Variants in SGIP1 observed in about 807,000 individuals in gnomAD.
SGIP1 encodes SH3-containing GRB2-like protein 3-interacting protein 1.
In SGIP1, 38 loss-of-function variants were observed where a neutral mutation model predicts 107.5. The ratio of observed to expected loss-of-function variants is 0.35; its 90% CI spans 0.27 to 0.46. The LOEUF is 0.46. Among genes scored for constraint, SGIP1 ranks in the 20% least tolerant of loss-of-function variants. The probability of loss-of-function intolerance (pLI) is 1.00; values close to 1 mark genes in which losing one functional copy is unlikely to be tolerated. For synonymous variants in SGIP1, 365 were observed against 366.1 expected, an observed-to-expected ratio of 1.00 and a Z score of 0.03; for missense variants, 929 against 1,019.5, an observed-to-expected ratio of 0.91 and a Z score of 1.21.
In SGIP1 at chr1:66,747,084, T is replaced by A. The variant is rs1455488558; in HGVS notation, c.*3989T>A. ...TCTCTGAAATTCCATGATTCTACTTTACTCAGATATACCACCTTTTGTGGC... is the reference window on the plus strand; with the variant it reads ...TCTCTGAAATTCCATGATTCTACTTAACTCAGATATACCACCTTTTGTGGC... On this transcript the variant is annotated 3_prime_UTR_variant, in exon 25 of 25. Coordinates refer to ENST00000371037, the MANE Select transcript of SGIP1 (RefSeq NM_032291.4). The A allele has an allele frequency of 6.6e-6, 1 of 152,110 alleles. No individual in the cohort carries two copies. The highest frequency in any genetic ancestry group is 1.5e-5 in the Non-Finnish European group (1 of 67,946). The allele number at this position is 152,110 out of a possible 1,614,324, so 9.4% of individuals were successfully genotyped here.
Position 66,740,625 on chromosome 1 carries a change from T to C in SGIP1, c.2235-33T>C, listed in dbSNP as rs745391482. On this transcript the variant is annotated intron_variant, in intron 22 of 24. Coordinates refer to ENST00000371037, the MANE Select transcript of SGIP1 (RefSeq NM_032291.4). Reference sequence around the variant, plus strand: ...CATCCAGTAAACAAAAACTCTTGGATATGCAAAAACCTTTTACCTAATTTA... The same window carrying C: ...CATCCAGTAAACAAAAACTCTTGGACATGCAAAAACCTTTTACCTAATTTA... 2.8e-6 allele frequency: 4 copies of C among 1,440,092 alleles called. No homozygotes were observed. In the South Asian group the frequency reaches 4.8e-5, roughly 17 times the overall value. The allele number at this position is 1,440,092 out of a possible 1,614,324, so 89.2% of individuals were successfully genotyped here.
chr1:66,636,713 G>A (rs754549060), intron 4 of SGIP1, among the ~76,000 whole-genome samples: 4 of 152,138 alleles, frequency 2.6e-5, no homozygotes, highest in Non-Finnish European at 5.9e-5. Flanking sequence ...TACCACAGTG[G>A]AGAAAAGATA....
At chr1:66,569,336 T>A (rs982511336) in intron 1 of SGIP1, among the ~76,000 whole-genome samples, 1 of 151,954 alleles carries the variant, frequency 6.6e-6, no homozygotes, top group African/African-American at 2.4e-5. Flanking sequence ...TTTCTCCCCA[T>A]TAAGCATAAT....
chr1:66,693,607 G>A (rs1162630853), intron 17 of SGIP1, among the ~76,000 whole-genome samples: 6 of 151,994 alleles, frequency 3.9e-5, no homozygotes, highest in Non-Finnish European at 8.8e-5. Flanking sequence ...TCAATTTTCT[G>A]TTAAAGTTGT....
At chr1:66,539,480 A>G (rs2054384305) in intron 1 of SGIP1, among the ~76,000 whole-genome samples, 1 of 152,166 alleles carries the variant, frequency 6.6e-6, no homozygotes, top group Non-Finnish European at 1.5e-5. Flanking sequence ...CTGATATTAG[A>G]AAGATATTAG....
Position 66,657,725 on chromosome 1 carries a change from A to T in SGIP1, c.460-2788A>T, listed in dbSNP as rs371591866. ...TTTCTTAGACTATTGGACAAAAAAAAATCCCTGTACTTTGTAACCATTCAA... is the reference window on the plus strand; with the variant it reads ...TTTCTTAGACTATTGGACAAAAAAATATCCCTGTACTTTGTAACCATTCAA... On this transcript the variant is annotated intron_variant, in intron 7 of 24. Coordinates refer to ENST00000371037, the MANE Select transcript of SGIP1 (RefSeq NM_032291.4). 6.6e-5 allele frequency among the ~76,000 whole-genome samples: 10 copies of T among 152,166 alleles called. No homozygotes were observed. The East Asian group carries it at 1.5e-3, about 23-fold the overall frequency.
intron 7 of SGIP1, chr1:66,660,021 AGGAAG>A (rs1180765501): frequency 5.3e-4 from 66 of 124,140 alleles, no homozygotes; most frequent in Non-Finnish European, 7.7e-4. Flanking sequence ...ACAGACAGGA[AGGAAG>A]GAAGGAAGGA....
At chr1:66,722,377 C>T (rs1278736096) in intron 19 of SGIP1, among the ~76,000 whole-genome samples, 2 of 152,194 alleles carry the variant, frequency 1.3e-5, no homozygotes, top group Non-Finnish European at 2.9e-5. Flanking sequence ...TAGCCCTTCT[C>T]TCTAACATCT....
chr1:66,575,819 C>T (rs933428970), intron 1 of SGIP1, among the ~76,000 whole-genome samples: 1 of 152,122 alleles, frequency 6.6e-6, no homozygotes, highest in African/African-American at 2.4e-5. Context: ...ATGTTTAAAG[C>T]TTAAATAGAA....
chr1:66,686,710 A>G (rs2088388829), intron 15 of SGIP1, among the ~76,000 whole-genome samples: 1 of 152,214 alleles, frequency 6.6e-6, no homozygotes, highest in East Asian at 1.9e-4. Flanking sequence ...CATTCTCTTA[A>G]TGTCGTTCTA....
At chr1:66,668,134 A>G (rs968373486) in intron 9 of SGIP1, among the ~76,000 whole-genome samples, 2 of 152,204 alleles carry the variant, frequency 1.3e-5, no homozygotes, top group African/African-American at 4.8e-5. Flanking sequence ...GGGTAGATCA[A>G]TATTAATTTG....
chr1:66,605,064 T>G (rs1180864441), intron 1 of SGIP1, among the ~76,000 whole-genome samples: 1 of 152,170 alleles, frequency 6.6e-6, no homozygotes, highest in East Asian at 1.9e-4. Context: ...ACCCCATAAA[T>G]GTTTCACTAA....
rs139659055 is a variant in SGIP1 at position 66,646,160 on chromosome 1, A to G, written c.459+2441A>G. On this transcript the variant is annotated intron_variant, in intron 7 of 24. Transcript: ENST00000371037. Reference sequence around the variant, plus strand: ...CCAGCCATGTACATATATTTTATAAATGACATATGCAGCACTTCCTCTCCA... The same window carrying G: ...CCAGCCATGTACATATATTTTATAAGTGACATATGCAGCACTTCCTCTCCA... 1.4e-4 allele frequency among the ~76,000 whole-genome samples: 21 copies of G among 152,250 alleles called. No homozygotes were observed. The East Asian group carries it at 4.1e-3, about 29-fold the overall frequency.
intron 1 of SGIP1, among the ~76,000 whole-genome samples, chr1:66,544,455 G>A (rs2055837475): frequency 6.6e-6 from 1 of 152,178 alleles, no homozygotes; most frequent in South Asian, 2.1e-4. Flanking sequence ...GGAGGCCGAG[G>A]TAGGTGGATC....
intron 18 of SGIP1, 101 bp from the exon 19 acceptor site, chr1:66,719,193 G>C (rs144413292): frequency 1.5e-6 from 1 of 673,456 alleles, no homozygotes; most frequent in Non-Finnish European, 2.5e-6. Context: ...TTACATTAAG[G>C]GGTAGATTTT....
chr1:66,539,063 G>T (rs951439826), intron 1 of SGIP1, among the ~76,000 whole-genome samples: 1 of 152,078 alleles, frequency 6.6e-6, no homozygotes, highest in Non-Finnish European at 1.5e-5. Flanking sequence ...TTTAAATTAT[G>T]AGTAAAGTCA....
chr1:66,750,303 A>C lies in SGIP1; in HGVS notation c.*7208A>C, dbSNP rs111485821. 0.016 allele frequency among the ~76,000 whole-genome samples: 2,490 copies of C among 152,192 alleles called. 77 individuals are homozygous for C. The highest frequency in any genetic ancestry group is 0.056 in the African/African-American group (2,344 of 41,500). On this transcript the variant is annotated 3_prime_UTR_variant, in exon 25 of 25. Transcript: ENST00000371037. Reference sequence around the variant, plus strand: ...TAGTAAAAGATCATATGAATTAAATACTCGGATATTAATTTTCATTCTTAC... The same window carrying C: ...TAGTAAAAGATCATATGAATTAAATCCTCGGATATTAATTTTCATTCTTAC...
Position 66,630,802 on chromosome 1 carries a change from GGAAAGAAAGAAAGAAAGAAA to G in SGIP1, c.75-2184_75-2165del, listed in dbSNP as rs71058465. Among the ~76,000 whole-genome samples the G allele has an allele frequency of 8.0e-4, 46 of 57,602 alleles. 1 individual carries two copies. The highest frequency in any genetic ancestry group is 3.2e-3 in the African/African-American group (39 of 12,352). 37.8% of individuals were successfully genotyped at this position (57,602 alleles called of 152,430 possible). A position where few individuals can be genotyped will look rare whatever the true frequency, so the allele number is the denominator to read the frequency against. The stretch of plus-strand genomic sequence containing the variant: ...GCCTGGGTGACAAGAGCAAAACTCC[GGAAAGAAAGAAAGAAAGAAA>G]GAAAGAAAGAAAGAAAGAAAGAAAG... On this transcript the variant is annotated intron_variant, in intron 2 of 24. Coordinates refer to ENST00000371037, the MANE Select transcript of SGIP1 (RefSeq NM_032291.4).
intron 1 of SGIP1, among the ~76,000 whole-genome samples, chr1:66,618,798 G>A (rs1441955609): frequency 5.9e-5 from 9 of 152,122 alleles, no homozygotes; most frequent in Admixed American, 5.9e-4. Flanking sequence ...CCTCCAAATC[G>A]CATATCTTGT....
Sources: gnomAD v4.1 joint callset for allele counts (sites outside exome capture counted in the v4.1 genomes callset) on GRCh38, gnomAD v4.1.1 for gene constraint, MANE v1.5 for transcripts, NCBI Gene and HGNC (gene_info 2026-07-23, HGNC 2026-07-21) for gene names.